Variants in DLG2 observed in about 807,000 individuals in gnomAD.
The protein encoded by DLG2 is disks large homolog 2.
Under a neutral mutation model 132.5 loss-of-function variants are expected in DLG2, and 45 were observed. The ratio of observed to expected loss-of-function variants is 0.34; its 90% CI spans 0.27 to 0.44. The LOEUF is 0.44. Ranked by LOEUF, DLG2 falls within the 20% of genes least tolerant of loss-of-function variation. The pLI, the probability that DLG2 is intolerant of heterozygous loss-of-function variation, is 1.00. For missense variants in DLG2, 1,045 were observed against 1,196.9 expected (o/e 0.87, Z 1.87); for synonymous variants, 424 against 419.6 (o/e 1.01, Z -0.13).
At chr11:83,473,866 G>C (rs751894026) in intron 22 of DLG2, among the ~76,000 whole-genome samples, 4 of 152,052 alleles carry the variant, frequency 2.6e-5, no homozygotes, top group Admixed American at 6.6e-5. Flanking sequence ...TAATATGATC[G>C]ACTGTTTTGA....
chr11:83,690,145 G>T (rs73509232), intron 18 of DLG2, among the ~76,000 whole-genome samples: 1,744 of 150,124 alleles, frequency 0.012, 27 homozygotes, highest in African/African-American at 0.04. Flanking sequence ...GAAATTTAAA[G>T]GCTGTGATGA....
At chr11:85,172,156 T>C (rs2078921881) in intron 4 of DLG2, among the ~76,000 whole-genome samples, 1 of 152,168 alleles carries the variant, frequency 6.6e-6, no homozygotes, top group Non-Finnish European at 1.5e-5. Context: ...CCGGACTGGG[T>C]GAGTCCTCCC....
At chr11:85,413,125 C>T (rs2089497351) in intron 3 of DLG2, among the ~76,000 whole-genome samples, 1 of 151,890 alleles carries the variant, frequency 6.6e-6, no homozygotes, top group Non-Finnish European at 1.5e-5. Context: ...AAGGTGGTAT[C>T]GCATTGGACT....
intron 17 of DLG2, among the ~76,000 whole-genome samples, chr11:83,787,323 G>GTTTT (rs1369444931): frequency 8.5e-6 from 1 of 118,206 alleles, no homozygotes; most frequent in Non-Finnish European, 1.6e-5. Flanking sequence ...TTTTTTTTTT[G>GTTTT]TTTTTTTTTT....
intron 7 of DLG2, among the ~76,000 whole-genome samples, chr11:84,425,094 T>C (rs955798859): frequency 1.3e-5 from 2 of 152,106 alleles, no homozygotes; most frequent in African/African-American, 2.4e-5. Flanking sequence ...CCATGCATCA[T>C]TGTAAGTCCC....
chr11:84,763,913 G>T (rs927797563), intron 6 of DLG2, among the ~76,000 whole-genome samples: 2 of 151,902 alleles, frequency 1.3e-5, no homozygotes. Flanking sequence ...TGGGGTGAGG[G>T]GCTACATCAG....
At chr11:84,427,247 GAA>G (rs1482254540) in intron 7 of DLG2, among the ~76,000 whole-genome samples, 1 of 152,022 alleles carries the variant, frequency 6.6e-6, no homozygotes, top group Non-Finnish European at 1.5e-5. Flanking sequence ...AGGAAGGAAA[GAA>G]GAGAGGGAGG....
chr11:85,066,842 T>A (rs559973810), intron 6 of DLG2, among the ~76,000 whole-genome samples: 1 of 151,742 alleles, frequency 6.6e-6, no homozygotes, highest in Non-Finnish European at 1.5e-5. Flanking sequence ...TGGGGAAAAG[T>A]TGAAAGCATT....
chr11:83,969,608 T>C (rs1364338158), intron 12 of DLG2, among the ~76,000 whole-genome samples: 1 of 152,204 alleles, frequency 6.6e-6, no homozygotes, highest in East Asian at 1.9e-4. Flanking sequence ...AGTTTTGCTC[T>C]TGTTGCCCAG....
chr11:83,581,912 T>C (rs890832829), intron 19 of DLG2, among the ~76,000 whole-genome samples: 2 of 151,550 alleles, frequency 1.3e-5, no homozygotes, highest in Non-Finnish European at 2.9e-5. Flanking sequence ...ACTTTTCATT[T>C]TGATGTTCTT....
At chr11:85,010,447 C>G (rs1452276691) in intron 6 of DLG2, among the ~76,000 whole-genome samples, 1 of 152,060 alleles carries the variant, frequency 6.6e-6, no homozygotes, top group Non-Finnish European at 1.5e-5. Context: ...AGACCCAATT[C>G]TATTAAGCAC....
intron 19 of DLG2, among the ~76,000 whole-genome samples, chr11:83,623,050 TAA>T (rs1194619523): frequency 6.6e-6 from 1 of 152,214 alleles, no homozygotes; most frequent in Middle Eastern, 3.2e-3. Flanking sequence ...ATTGCGTGAC[TAA>T]GTCTTTTCAT....
intron 3 of DLG2, among the ~76,000 whole-genome samples, chr11:85,582,553 G>C (rs915053057): frequency 1.3e-5 from 2 of 150,724 alleles, no homozygotes; most frequent in African/African-American, 4.9e-5. Context: ...GCTGGGCACG[G>C]TGGCTTATTC....
intron 3 of DLG2, among the ~76,000 whole-genome samples, chr11:85,434,517 A>C (rs1211157054): frequency 4.6e-5 from 7 of 152,200 alleles, no homozygotes; most frequent in Non-Finnish European, 1.0e-4. Context: ...ACAGAAATAC[A>C]AACTACCATC....
intron 6 of DLG2, among the ~76,000 whole-genome samples, chr11:84,651,104 T>C (rs1421575121): frequency 6.6e-6 from 1 of 151,872 alleles, no homozygotes; most frequent in East Asian, 1.9e-4. Context: ...GACTCCTTCA[T>C]TCATCAATCT....
At chr11:85,084,554 C>G (rs1269821593) in intron 6 of DLG2, among the ~76,000 whole-genome samples, 1 of 151,680 alleles carries the variant, frequency 6.6e-6, no homozygotes, top group Non-Finnish European at 1.5e-5. Flanking sequence ...CAGAGTCCCC[C>G]TGATATGAGT....
At chr11:85,515,018 T>C (rs1475472577) in intron 3 of DLG2, among the ~76,000 whole-genome samples, 1 of 151,932 alleles carries the variant, frequency 6.6e-6, no homozygotes, top group Non-Finnish European at 1.5e-5. Flanking sequence ...GAATCATCTA[T>C]ATTTGTGAGT....
rs574662125 is a variant in DLG2, at chr11:85,228,612, A to G, written c.186+56608T>C. Among the ~76,000 whole-genome samples, 10 of 152,016 alleles carry G rather than the reference A, an allele frequency of 6.6e-5. 1 individual carries two copies. Among genetic ancestry groups the G allele is most frequent in the African/African-American group, 2.4e-4 (10 of 41,516 alleles). ...TGATTATACTTTTGCATTTAAGCCT[A>G]CTGTGTTTGATATTAATATAGCTAC... On this transcript the variant is annotated intron_variant, in intron 4 of 27. Transcript: ENST00000376104.
intron 6 of DLG2, among the ~76,000 whole-genome samples, chr11:85,064,524 A>G (rs1053412493): frequency 5.9e-5 from 9 of 151,776 alleles, no homozygotes; most frequent in African/African-American, 1.7e-4. Context: ...AGTATAACCT[A>G]TTTTATCTCC....
Sources: allele counts gnomAD v4.1 joint callset (sites outside exome capture counted in the v4.1 genomes callset), GRCh38; gene constraint gnomAD v4.1.1; transcripts MANE v1.5; gene names NCBI Gene and HGNC (gene_info 2026-07-23, HGNC 2026-07-21).